Variants in SZT2 observed in about 807,000 individuals in gnomAD.
The protein encoded by SZT2 is SZT2 subunit of KICSTOR complex, also known as KICSTOR complex protein SZT2.
SZT2 carries 216 observed loss-of-function variants against 404.2 expected under a neutral mutation model. The observed-to-expected ratio is 0.53, with a 90% confidence interval of 0.48 to 0.60. SZT2 has a LOEUF of 0.60. Among genes scored for constraint, SZT2 ranks in the 20% least tolerant of loss-of-function variants. The pLI, the probability that SZT2 is intolerant of heterozygous loss-of-function variation, is 0.00. For synonymous variants in SZT2, 1,693 were observed against 1,749.9 expected (o/e 0.97, Z 0.81); for missense variants, 3,857 against 4,459.2 (o/e 0.86, Z 3.85).
Position 43,452,140 on chromosome 1 carries a change from G to A in SZT2, c.*1660G>A. Reference sequence around the variant, plus strand: ...GGCAGCCTCACGTGCTGTCCCCACTGTGCACCCCCTTCTCCGCACACCCAC... The same window carrying A: ...GGCAGCCTCACGTGCTGTCCCCACTATGCACCCCCTTCTCCGCACACCCAC... On this transcript the variant is annotated 3_prime_UTR_variant, in exon 72 of 72. Transcript: ENST00000634258. 1 of 1,507,182 alleles carries A rather than the reference G, an allele frequency of 6.6e-7. No individual in the cohort carries two copies. Among genetic ancestry groups the A allele is most frequent in the South Asian group, 1.2e-5 (1 of 86,868 alleles). The allele number at this position is 1,507,182 out of a possible 1,614,324, so 93.4% of individuals were successfully genotyped here.
rs1204741717 is a variant in SZT2 at position 43,428,449 on chromosome 1, G to A, written c.4129G>A (p.Glu1377Lys). 1 of 1,614,124 alleles carries A rather than the reference G, an allele frequency of 6.2e-7. No homozygotes were observed. Residue 1377 changes from glutamate to lysine, a missense_variant, in exon 28 of 72, where the codon GAA (glutamate) becomes AAA (lysine). By Grantham distance (56) the Glu-to-Lys change is moderately conservative. Around this residue, in one of 7 missense-constraint regions of SZT2, gnomAD observed 1,725 missense variants for 1,881.0 expected, o/e 0.92. Transcript: ENST00000634258. ...PFSSSMEEGA[E>K]PRERAILASE... is the part of the protein sequence containing the mutation. ...CAGCAGCAGCATGGAGGAGGGTGCTGAACCTCGGGAACGAGCTATCCTAGC... is the reference window on the plus strand; with the variant it reads ...CAGCAGCAGCATGGAGGAGGGTGCTAAACCTCGGGAACGAGCTATCCTAGC...
Position 43,422,464 on chromosome 1 carries a change from A to G in SZT2, c.1770-16A>G. ...GGGCCTGGAGGTCTAACCTCAGTCCACACCCCTCTTCCTAGACCAATCCCC... is the reference window on the plus strand; with the variant it reads ...GGGCCTGGAGGTCTAACCTCAGTCCGCACCCCTCTTCCTAGACCAATCCCC... On this transcript the variant is annotated splice_polypyrimidine_tract_variant and intron_variant, in intron 12 of 71. Transcript: ENST00000634258. 1.9e-6 allele frequency: 3 copies of G among 1,565,528 alleles called. No individual in the cohort carries two copies. The highest frequency in any genetic ancestry group is 2.6e-6 in the Non-Finnish European group (3 of 1,162,804).
chr1:43,446,344 C>T lies in SZT2; in HGVS notation c.9000C>T (p.Gly3000=). The part of the protein sequence containing the change: ...GIILMELAFQ[G]CYFCVKQFAL... Reference sequence around the variant, plus strand: ...TCTCATCTTCACCTTCCCTCCAGGGCTGTTACTTCTGTGTCAAACAGTTTG... The same window carrying T: ...TCTCATCTTCACCTTCCCTCCAGGGTTGTTACTTCTGTGTCAAACAGTTTG... Residue 3000 remains glycine, a splice_region_variant and synonymous_variant, in exon 65 of 72, where the codon GGC becomes GGT. Coordinates refer to ENST00000634258, the MANE Select transcript of SZT2 (RefSeq NM_001365999.1). 1 of 1,614,268 alleles carries T rather than the reference C, an allele frequency of 6.2e-7. No individual in the cohort carries two copies. The highest frequency in any genetic ancestry group is 1.3e-5 in the African/African-American group (1 of 75,072).
chr1:43,405,436 A>C (rs546733133), intron 4 of SZT2: 1 of 152,340 alleles, frequency 6.6e-6, no homozygotes, highest in Non-Finnish European at 1.5e-5. Context: ...AGAATGGCCA[A>C]GTCTGTTACT....
Position 43,423,122 on chromosome 1 carries a change from G to T in SZT2, c.2061G>T (p.Glu687Asp). The T allele has an allele frequency of 6.3e-7, 1 of 1,594,798 alleles. No individual in the cohort carries two copies. Among genetic ancestry groups the T allele is most frequent in the South Asian group, 1.1e-5 (1 of 90,244 alleles). The change falls in exon 15 of 72, where the codon GAG becomes GAT. Residue 687 changes from glutamate (E) to aspartate (D), a missense_variant. Coordinates refer to ENST00000634258, the MANE Select transcript of SZT2 (RefSeq NM_001365999.1). ...AGATTGTGTCAGGCTTGAGGGAAGA[G>T]ATCCTGCGGCTGCGTTTCCCCCACC... ...RHKIVSGLRE[E>D]ILRLRFPHRV...
intron 4 of SZT2, among the ~76,000 whole-genome samples, chr1:43,414,630 C>T (rs1268123336): frequency 1.3e-5 from 2 of 152,090 alleles, no homozygotes; most frequent in Non-Finnish European, 2.9e-5. Context: ...TCTGTGTGTA[C>T]AGAAGGTAGG....
rs949878271 is a variant in SZT2 at position 43,440,655 on chromosome 1, C to T, written c.7344+69C>T. On this transcript the variant is annotated intron_variant, in intron 52 of 71. Transcript: ENST00000634258. The stretch of plus-strand genomic sequence containing the variant: ...CCTCCTAGCTCCTCCCACACTCCCT[C>T]CTGCTTCCCAGTCCCCCATAGGCCT... 8 of 1,470,822 alleles carry T rather than the reference C, an allele frequency of 5.4e-6. No homozygotes were observed. In the Admixed American group the frequency reaches 1.2e-4, roughly 23 times the overall value. 91.1% of individuals were successfully genotyped at this position (1,470,822 alleles called of 1,614,324 possible).
At chr1:43,422,665 C>G in intron 13 of SZT2, 33 bp downstream of exon 13, 5 of 751,530 alleles carry the variant, frequency 6.7e-6, no homozygotes, top group Non-Finnish European at 7.5e-6. Flanking sequence ...ACCCCCCGCC[C>G]CCCCACCCCC....
intron 4 of SZT2, among the ~76,000 whole-genome samples, chr1:43,413,942 A>G (rs745914761): frequency 1.1e-4 from 16 of 152,182 alleles, no homozygotes; most frequent in Non-Finnish European, 1.8e-4. Flanking sequence ...TTTAAAAATA[A>G]CTAAAAGAGT....
chr1:43,422,654 C>T (rs574391903), intron 13 of SZT2, 22 bp downstream of exon 13: 1 of 1,335,002 alleles, frequency 7.5e-7, no homozygotes, highest in Admixed American at 2.3e-5. Flanking sequence ...GATGTCCCTT[C>T]ACCCCCCGCC....
intron 1 of SZT2, among the ~76,000 whole-genome samples, chr1:43,397,882 A>G (rs772073580): frequency 2.0e-4 from 30 of 152,172 alleles, no homozygotes; most frequent in Non-Finnish European, 4.0e-4. Flanking sequence ...AAAAATACAG[A>G]GTGCTGTGTG....
At chr1:43,421,008 G>A (rs376348282) in intron 10 of SZT2, 25 bp downstream of exon 10, 49 of 1,596,300 alleles carry the variant, frequency 3.1e-5, no homozygotes, top group African/African-American at 4.0e-5. Flanking sequence ...CACTCAATGA[G>A]TGCTGCCCCA....
In SZT2 at chr1:43,421,929, A is replaced by G. The variant is rs571230787; in HGVS notation, c.1627-154A>G. On this transcript the variant is annotated intron_variant, in intron 11 of 71. Coordinates refer to ENST00000634258, the MANE Select transcript of SZT2 (RefSeq NM_001365999.1). The stretch of plus-strand genomic sequence containing the variant: ...CAAATCTAGCCTTCATAGTGGAAAC[A>G]GTTTTTGCCTGTGCTTCAGGCTGGG... 2.6e-5 allele frequency among the ~76,000 whole-genome samples: 4 copies of G among 152,306 alleles called. No homozygotes were observed. In the East Asian group the frequency reaches 5.8e-4, roughly 22 times the overall value.
At position 43,452,448 on chromosome 1, in the gene SZT2, C is replaced by G. The variant is rs781668416; in HGVS notation, c.*1968C>G. 6.7e-6 allele frequency: 5 copies of G among 743,816 alleles called. No homozygotes were observed. In the South Asian group the frequency reaches 7.4e-5, roughly 11 times the overall value. The allele number at this position is 743,816 out of a possible 1,614,324, so 46.1% of individuals were successfully genotyped here. On this transcript the variant is annotated 3_prime_UTR_variant, in exon 72 of 72. Coordinates refer to ENST00000634258, the MANE Select transcript of SZT2 (RefSeq NM_001365999.1). ...AGTCCATGGCACCTGGGTCACGATGCCCAGGTATCCCAGCACTTTCAGAGA... is the reference window on the plus strand; with the variant it reads ...AGTCCATGGCACCTGGGTCACGATGGCCAGGTATCCCAGCACTTTCAGAGA...
At chr1:43,390,976 A>T (rs747090682) in intron 1 of SZT2, among the ~76,000 whole-genome samples, 50 of 152,228 alleles carry the variant, frequency 3.3e-4, no homozygotes, top group Non-Finnish European at 3.1e-4. Flanking sequence ...TGGACACTGT[A>T]TCATCTCCTT....
At chr1:43,398,897 T>C (rs1468479840) in intron 1 of SZT2, among the ~76,000 whole-genome samples, 2 of 152,066 alleles carry the variant, frequency 1.3e-5, no homozygotes, top group Non-Finnish European at 2.9e-5. Flanking sequence ...CTGGCCAATA[T>C]GGTGAACCAC....
Position 43,431,514 on chromosome 1 carries a change from C to G in SZT2, c.5079C>G (p.Thr1693=). The change falls in exon 35 of 72, where the codon ACC becomes ACG. Residue 1693 remains threonine, a synonymous_variant. Transcript: ENST00000634258. The stretch of plus-strand genomic sequence containing the variant: ...CCCACAGACTGGCTATTGAGACCAC[C>G]ATGAATGAGGTGAGCCCCCCACCCC... ...ATPHRLAIET[T]MNEIRWLLED... is the part of the protein sequence containing the mutation. 1 of 1,614,196 alleles carries G rather than the reference C, an allele frequency of 6.2e-7. No individual in the cohort carries two copies. Among genetic ancestry groups the G allele is most frequent in the Non-Finnish European group, 8.5e-7 (1 of 1,180,026 alleles).
Position 43,403,291 on chromosome 1 carries a change from C to T in SZT2, c.142C>T (p.Gln48Ter), listed in dbSNP as rs1649901499. Residue 48 changes from glutamine (Q) to a stop codon, truncating the protein, a stop_gained, in exon 2 of 72, where the codon CAG becomes TAG. Coordinates refer to ENST00000634258, the MANE Select transcript of SZT2 (RefSeq NM_001365999.1). LOFTEE classifies it high-confidence loss of function. Reference protein sequence around the residue: ...HLHQTVQATPQEMLLQSEQEL... With the variant: ...HLHQTVQATP Reference sequence around the variant, plus strand: ...GCACCAAACTGTGCAGGCCACACCCCAGGAGATGCTGGTGAGGCTTAGACA... The same window carrying T: ...GCACCAAACTGTGCAGGCCACACCCTAGGAGATGCTGGTGAGGCTTAGACA... 1 of 1,613,496 alleles carries T rather than the reference C, an allele frequency of 6.2e-7. No individual in the cohort carries two copies. The highest frequency in any genetic ancestry group is 8.5e-7 in the Non-Finnish European group (1 of 1,179,998).
chr1:43,446,930 C>T lies in SZT2; in HGVS notation c.9073-25C>T, dbSNP rs756491333. The T allele has an allele frequency of 3.1e-6, 5 of 1,596,116 alleles. No individual in the cohort carries two copies. The Admixed American group carries it at 6.7e-5, about 21-fold the overall frequency. On this transcript the variant is annotated intron_variant, in intron 65 of 71. Transcript: ENST00000634258. ...CAGCCAGTGCAGCCATACCTTAACCCTGTCTCCTGCTGCTGCCTCCCCAGC... is the reference window on the plus strand; with the variant it reads ...CAGCCAGTGCAGCCATACCTTAACCTTGTCTCCTGCTGCTGCCTCCCCAGC...
Sources: gnomAD v4.1 joint callset for allele counts (sites outside exome capture counted in the v4.1 genomes callset) on GRCh38, gnomAD v4.1.1 for gene constraint, gnomAD v4.1.1 regional missense constraint, MANE v1.5 for transcripts, NCBI Gene and HGNC (gene_info 2026-07-23, HGNC 2026-07-21) for gene names.